The following HSD11B1 variants were observed in gnomAD, a reference collection of about 807,000 sequenced individuals.
HSD11B1 encodes 11-beta-hydroxysteroid dehydrogenase 1.
A neutral mutation model predicts 22.1 loss-of-function variants in HSD11B1; 15 were observed. The observed-to-expected ratio is 0.68, with a 90% confidence interval of 0.45 to 1.04. HSD11B1 has a LOEUF of 1.04. Ranked by LOEUF, HSD11B1 falls within the 50% of genes least tolerant of loss-of-function variation. The pLI is 0.00. For synonymous variants in HSD11B1, 122 were observed against 125.2 expected (o/e 0.97, Z 0.17); for missense variants, 281 against 357.6 (o/e 0.79, Z 1.73).
intron 1 of HSD11B1, among the ~76,000 whole-genome samples, chr1:209,697,323 C>T (rs540409321): frequency 2.0e-5 from 3 of 152,324 alleles, no homozygotes; most frequent in Admixed American, 6.5e-5. Flanking sequence ...CTGAACCCAA[C>T]TCAATGCTCA....
intron 4 of HSD11B1, among the ~76,000 whole-genome samples, chr1:209,719,898 C>A (rs933540391): frequency 2.6e-5 from 4 of 152,062 alleles, no homozygotes; most frequent in African/African-American, 9.7e-5. Flanking sequence ...ATTTATAATC[C>A]TTTGGGTATA....
At chr1:209,713,137 G>T (rs1160159004) in intron 4 of HSD11B1, among the ~76,000 whole-genome samples, 6 of 152,178 alleles carry the variant, frequency 3.9e-5, no homozygotes, top group Admixed American at 2.6e-4. Context: ...ACAGATTTAG[G>T]TACAAAAACA....
intron 4 of HSD11B1, among the ~76,000 whole-genome samples, chr1:209,712,616 G>A (rs1283529280): frequency 6.6e-6 from 1 of 152,170 alleles, no homozygotes; most frequent in Admixed American, 6.5e-5. Flanking sequence ...TGAATACTGA[G>A]AGATGACTGT....
At chr1:209,709,562 A>G (rs1000391167) in intron 4 of HSD11B1, among the ~76,000 whole-genome samples, 1 of 152,222 alleles carries the variant, frequency 6.6e-6, no homozygotes, top group African/African-American at 2.4e-5. Context: ...CACCCTGGAA[A>G]GGCAGTCCAG....
At chr1:209,695,819 A>C (rs530253898) in intron 1 of HSD11B1, among the ~76,000 whole-genome samples, 2 of 152,312 alleles carry the variant, frequency 1.3e-5, no homozygotes, top group East Asian at 3.9e-4. Context: ...AAAATAAAAA[A>C]AAGTTAAACA....
Position 209,734,470 on chromosome 1 carries a change from G to C in HSD11B1, c.828G>C (p.Leu276=). ...TCAGAAATCCATGCAGGAAGATCCT[G>C]GAATTTCTCTACTCAACGAGCTATA... ...LLIRNPCRKI[L]EFLYSTSYNM... The change falls in exon 6 of 6, where the codon CTG becomes CTC. Residue 276 remains leucine (L), a synonymous_variant. Coordinates refer to ENST00000367027, the MANE Select transcript of HSD11B1 (RefSeq NM_005525.4). 6.2e-7 allele frequency: 1 copy of C among 1,614,082 alleles called. No homozygotes were observed. Among genetic ancestry groups the C allele is most frequent in the African/African-American group, 1.3e-5 (1 of 75,034 alleles).
At position 209,692,841 on chromosome 1, in the gene HSD11B1, C is replaced by T. The variant is rs528974978; in HGVS notation, c.-49+6556C>T. On this transcript the variant is annotated intron_variant, in intron 1 of 6. Transcript: ENST00000261465. ...GGGTCTAAGGATCTGCCCTTAGTTC[C>T]CCCAGATGATTCATGGAGGTTTGGG... 2.0e-5 allele frequency among the ~76,000 whole-genome samples: 3 copies of T among 152,240 alleles called. No homozygotes were observed. The East Asian group carries it at 5.8e-4, about 29-fold the overall frequency.
chr1:209,713,124 GT>G (rs2076908764), intron 4 of HSD11B1, among the ~76,000 whole-genome samples: 1 of 152,192 alleles, frequency 6.6e-6, no homozygotes, highest in African/African-American at 2.4e-5. Flanking sequence ...TATTAAATTA[GT>G]CACAGATTTA....
chr1:209,688,476 GT>G (rs539066643), intron 1 of HSD11B1, among the ~76,000 whole-genome samples: 105 of 152,302 alleles, frequency 6.9e-4, no homozygotes, highest in Middle Eastern at 3.4e-3. Context: ...CCACATATTA[GT>G]GAGGCTTTGT....
intron 1 of HSD11B1, among the ~76,000 whole-genome samples, chr1:209,696,204 A>G (rs2076790790): frequency 6.6e-6 from 1 of 152,246 alleles, no homozygotes; most frequent in South Asian, 2.1e-4. Flanking sequence ...GGGTGGAAAC[A>G]GGGAGTGACT....
chr1:209,692,607 C>CGGGGGGGGGGGGGGGGGGG (rs796545462), intron 1 of HSD11B1, among the ~76,000 whole-genome samples: 1 of 48,226 alleles, frequency 2.1e-5, no homozygotes. Context: ...ATTAAAATGG[C>CGGGGGGGGGGGGGGGGGGG]GGGGGGGGGG....
chr1:209,688,236 C>A (rs2076739624), intron 1 of HSD11B1, among the ~76,000 whole-genome samples: 1 of 152,120 alleles, frequency 6.6e-6, no homozygotes, highest in African/African-American at 2.4e-5. Context: ...CATGCAGTTA[C>A]CTCTGCTTGG....
upstream of HSD11B1, among the ~76,000 whole-genome samples, chr1:209,700,693 C>A (rs2076821493): frequency 6.6e-6 from 1 of 152,204 alleles, no homozygotes; most frequent in Non-Finnish European, 1.5e-5. Flanking sequence ...CATCAGGCTG[C>A]AAATTTTCTG....
At chr1:209,713,055 A>C (rs1162812428) in intron 4 of HSD11B1, among the ~76,000 whole-genome samples, 1 of 152,244 alleles carries the variant, frequency 6.6e-6, no homozygotes. Flanking sequence ...ATCTCAAAAA[A>C]AAAGAATGTT....
intron 1 of HSD11B1, among the ~76,000 whole-genome samples, chr1:209,692,607 C>T (rs1328437846): frequency 2.1e-5 from 1 of 48,250 alleles, no homozygotes; most frequent in East Asian, 4.6e-4. Flanking sequence ...ATTAAAATGG[C>T]GGGGGGGGGG....
chr1:209,723,405 G>A (rs940860761), intron 4 of HSD11B1, among the ~76,000 whole-genome samples: 7 of 152,130 alleles, frequency 4.6e-5, no homozygotes, highest in African/African-American at 7.2e-5. Flanking sequence ...CTAACAAGTG[G>A]ATCTCATAGG....
chr1:209,687,171 T>C (rs1215616357), intron 1 of HSD11B1, among the ~76,000 whole-genome samples: 4 of 152,226 alleles, frequency 2.6e-5, no homozygotes, highest in Non-Finnish European at 4.4e-5. Context: ...TCAGAAAACA[T>C]CTACAGACGA....
intron 1 of HSD11B1, among the ~76,000 whole-genome samples, chr1:209,693,058 G>A (rs1369379868): frequency 2.0e-5 from 3 of 152,096 alleles, no homozygotes; most frequent in Non-Finnish European, 4.4e-5. Flanking sequence ...AAATTAAGTA[G>A]CCATCCGAGC....
upstream of HSD11B1, among the ~76,000 whole-genome samples, chr1:209,700,322 T>C (rs1413930222): frequency 6.6e-6 from 1 of 152,234 alleles, no homozygotes; most frequent in Non-Finnish European, 1.5e-5. Flanking sequence ...ATTCTTGATT[T>C]CTGTGCACCA....
Sources: allele counts gnomAD v4.1 joint callset (sites outside exome capture counted in the v4.1 genomes callset), GRCh38; gene constraint gnomAD v4.1.1; transcripts MANE v1.5; gene names NCBI Gene and HGNC (gene_info 2026-07-23, HGNC 2026-07-21).